Variants in CADM2 observed in about 807,000 individuals in gnomAD.
The protein encoded by CADM2 is cell adhesion molecule 2, also known as immunoglobulin superfamily member 4D.
A neutral mutation model predicts 49.8 loss-of-function variants in CADM2; 12 were observed. The ratio of observed to expected loss-of-function variants is 0.24; its 90% CI spans 0.15 to 0.39. The LOEUF is 0.39. CADM2 is among the 10% of genes least tolerant of loss of function. CADM2 has a pLI of 1.00. For missense variants in CADM2, 378 were observed against 492.3 expected (o/e 0.77, Z 2.20); for synonymous variants, 214 against 175.4 (o/e 1.22, Z -1.74).
chr3:85,383,210 A>G (rs535768716), intron 1 of CADM2, among the ~76,000 whole-genome samples: 465 of 152,168 alleles, frequency 3.1e-3, no homozygotes, highest in South Asian at 8.7e-3. Context: ...TCTGACCATG[A>G]GGCATCCCTG....
chr3:85,772,191 T>C (rs1254621121), intron 2 of CADM2, among the ~76,000 whole-genome samples: 1 of 151,978 alleles, frequency 6.6e-6, no homozygotes, highest in African/African-American at 2.4e-5. Context: ...TTTAAAACTG[T>C]GCAGGATAAG....
chr3:85,825,289 G>A (rs2073841674), intron 3 of CADM2, among the ~76,000 whole-genome samples: 1 of 151,974 alleles, frequency 6.6e-6, no homozygotes, highest in South Asian at 2.1e-4. Context: ...AAAGATGTGG[G>A]AAGGCTTAAA....
At chr3:85,223,508 TC>T (rs1460500132) in intron 1 of CADM2, among the ~76,000 whole-genome samples, 1 of 152,164 alleles carries the variant, frequency 6.6e-6, no homozygotes, top group African/African-American at 2.4e-5. Context: ...AATATATTTA[TC>T]CCGGAGTAGG....
intron 3 of CADM2, among the ~76,000 whole-genome samples, chr3:85,803,503 A>AGATAGATAGATAGAT (rs1291009061): frequency 4.3e-5 from 6 of 140,962 alleles, no homozygotes; most frequent in African/African-American, 1.6e-4. Flanking sequence ...ATAGATAAAT[A>AGATAGATAGATAGAT]GATAGATAGA....
At chr3:85,157,909 C>T (rs1406333085) in intron 1 of CADM2, among the ~76,000 whole-genome samples, 1 of 152,110 alleles carries the variant, frequency 6.6e-6, no homozygotes, top group Non-Finnish European at 1.5e-5. Flanking sequence ...AGGCAACCTA[C>T]AAAATGGGAG....
intron 1 of CADM2, among the ~76,000 whole-genome samples, chr3:85,573,519 G>A (rs1455862893): frequency 6.6e-6 from 1 of 152,034 alleles, no homozygotes; most frequent in African/African-American, 2.4e-5. Flanking sequence ...AAAAGTGTGT[G>A]CTTCTAATGG....
At chr3:85,125,358 C>T (rs1198988017) in intron 1 of CADM2, among the ~76,000 whole-genome samples, 1 of 151,662 alleles carries the variant, frequency 6.6e-6, no homozygotes, top group African/African-American at 2.4e-5. Flanking sequence ...AGGAGACATT[C>T]GTGAACTTAG....
chr3:85,207,393 T>C (rs1346731450), intron 1 of CADM2, among the ~76,000 whole-genome samples: 1 of 152,160 alleles, frequency 6.6e-6, no homozygotes, highest in Non-Finnish European at 1.5e-5. Flanking sequence ...ACAGACATTT[T>C]ATTTTATGAG....
chr3:85,513,171 A>G (rs1227351848), intron 1 of CADM2, among the ~76,000 whole-genome samples: 1 of 152,076 alleles, frequency 6.6e-6, no homozygotes, highest in African/African-American at 2.4e-5. Flanking sequence ...TCAAGTTTGT[A>G]GAAGCATATT....
At chr3:85,323,558 A>G (rs975850495) in intron 1 of CADM2, among the ~76,000 whole-genome samples, 6 of 152,156 alleles carry the variant, frequency 3.9e-5, no homozygotes, top group African/African-American at 7.2e-5. Flanking sequence ...ATGCTTGCAC[A>G]TATCATGATA....
At chr3:85,394,074 C>CGTAA (rs1227212231) in intron 1 of CADM2, among the ~76,000 whole-genome samples, 1 of 152,110 alleles carries the variant, frequency 6.6e-6, no homozygotes, top group Non-Finnish European at 1.5e-5. Context: ...GGATTACAGG[C>CGTAA]GTAAGCCACC....
At chr3:85,101,131 G>A (rs758128881) in intron 1 of CADM2, among the ~76,000 whole-genome samples, 8 of 152,076 alleles carry the variant, frequency 5.3e-5, no homozygotes, top group Non-Finnish European at 8.8e-5. Flanking sequence ...GTGCGCACCT[G>A]TAATCCCAGC....
At chr3:86,038,842 T>G (rs1458841369) in intron 8 of CADM2, among the ~76,000 whole-genome samples, 1 of 152,214 alleles carries the variant, frequency 6.6e-6, no homozygotes, top group African/African-American at 2.4e-5. Context: ...TTCCTAGGAA[T>G]GTACTGTAAG....
chr3:85,887,737 G>A (rs985750556), intron 5 of CADM2, among the ~76,000 whole-genome samples: 1 of 152,086 alleles, frequency 6.6e-6, no homozygotes, highest in Non-Finnish European at 1.5e-5. Flanking sequence ...CTTGAATTCT[G>A]TCAAGGCTCA....
At chr3:84,998,329 G>T (rs2033280510) in intron 1 of CADM2, among the ~76,000 whole-genome samples, 1 of 152,028 alleles carries the variant, frequency 6.6e-6, no homozygotes, top group Non-Finnish European at 1.5e-5. Flanking sequence ...TTCACAAAAG[G>T]TTTTCCTGCC....
At chr3:85,635,531 A>G (rs140430132) in intron 1 of CADM2, among the ~76,000 whole-genome samples, 180 of 152,228 alleles carry the variant, frequency 1.2e-3, no homozygotes, top group African/African-American at 3.6e-3. Flanking sequence ...TCTTTTCAAC[A>G]TTTTGCATGT....
At chr3:85,300,804 T>TG (rs1274298430) in intron 1 of CADM2, among the ~76,000 whole-genome samples, 4 of 152,102 alleles carry the variant, frequency 2.6e-5, no homozygotes, top group Non-Finnish European at 4.4e-5. Context: ...AATGTCGGAT[T>TG]GGGGGTCAAA....
chr3:85,294,315 C>G (rs1488120059), intron 1 of CADM2, among the ~76,000 whole-genome samples: 1 of 152,132 alleles, frequency 6.6e-6, no homozygotes, highest in African/African-American at 2.4e-5. Flanking sequence ...GACGAACATT[C>G]TATGCTCATA....
chr3:85,917,204 G>T (rs561602000), intron 6 of CADM2, among the ~76,000 whole-genome samples: 9 of 152,170 alleles, frequency 5.9e-5, no homozygotes, highest in Admixed American at 2.6e-4. Context: ...GTCTTTTGTT[G>T]CCATTGCTTT....
Sources: allele counts gnomAD v4.1 joint callset (sites outside exome capture counted in the v4.1 genomes callset), GRCh38; gene constraint gnomAD v4.1.1; transcripts MANE v1.5; gene names NCBI Gene and HGNC (gene_info 2026-07-23, HGNC 2026-07-21).